The following ABR variants were observed in gnomAD, a reference collection of about 807,000 sequenced individuals.
ABR encodes the protein active breakpoint cluster region-related protein.
ABR carries 35 observed loss-of-function variants against 107.2 expected under a neutral mutation model. The ratio of observed to expected loss-of-function variants is 0.33; its 90% confidence interval spans 0.25 to 0.43. The LOEUF (loss-of-function observed/expected upper bound fraction) is 0.43, where lower values mean the gene tolerates loss of function less well. Among genes scored for constraint, ABR ranks in the 20% least tolerant of loss-of-function variants. The pLI is 1.00. For missense variants in ABR, 815 were observed against 1,115.2 expected (o/e 0.73, Z 3.83); for synonymous variants, 498 against 462.0 (o/e 1.08, Z -1.00).
chr17:1,164,548 T>C (rs1046938168), intron 1 of ABR, among the ~76,000 whole-genome samples: 1 of 150,896 alleles, frequency 6.6e-6, no homozygotes, highest in South Asian at 2.1e-4. Flanking sequence ...GAACGTCAGG[T>C]GAGCAACAGA....
chr17:1,177,549 G>T (rs2041958547), intron 1 of ABR, among the ~76,000 whole-genome samples: 2 of 152,188 alleles, frequency 1.3e-5, no homozygotes, highest in African/African-American at 4.8e-5. Context: ...GGTGGCCTCA[G>T]GCAATTTTGC....
rs147005714 is a variant in ABR, at chr17:1,157,634, C to A, written c.61+22033G>T. Among the ~76,000 whole-genome samples, 419 of 152,352 alleles carry A rather than the reference C, an allele frequency of 2.8e-3. 1 individual carries two copies. Among genetic ancestry groups the A allele is most frequent in the Admixed American group, 5.6e-3 (86 of 15,310 alleles). ...GAAGCAGCAACTACAAGGGAAGAGCCGCTGCTGGAACACGCCCAGCGGAAC... is the reference window on the plus strand; with the variant it reads ...GAAGCAGCAACTACAAGGGAAGAGCAGCTGCTGGAACACGCCCAGCGGAAC... On this transcript the variant is annotated intron_variant, in intron 1 of 22. Coordinates refer to ENST00000302538, the MANE Select transcript of ABR (RefSeq NM_021962.5). This position sits in a 1 kb window ranked among gnomAD's most constrained non-coding sequence, Gnocchi z 4.7.
chr17:1,060,514 C>A (rs1362933828), intron 10 of ABR, among the ~76,000 whole-genome samples: 1 of 152,170 alleles, frequency 6.6e-6, no homozygotes, highest in Non-Finnish European at 1.5e-5. Flanking sequence ...TCTCATTGGA[C>A]ACGCGGGCGC....
chr17:1,010,732 T>C lies in ABR; in HGVS notation c.2233A>G (p.Ile745Val), dbSNP rs1381915640. Residue 745 changes from isoleucine to valine, a missense_variant, in exon 20 of 23, where the codon ATC becomes GTC. Ile to Val is a conservative substitution (Grantham distance 29). This residue lies in a region of ABR where 175 missense variants were observed against 284.3 expected (regional missense o/e 0.62). Coordinates refer to ENST00000302538, the MANE Select transcript of ABR (RefSeq NM_021962.5). The surrounding 1 kb of genome is among the most constrained non-coding windows in gnomAD (Gnocchi z 4.1). ...DRLYPAFMEG[I>V]ALSDPAAKEN... is the part of the protein sequence containing the mutation. ...CTAGGAGCCCTCAGGGCCTCACCGA[T>C]GCCCTCCATGAAGGCTGGGTAGAGT... 2 of 1,613,552 alleles carry C rather than the reference T, an allele frequency of 1.2e-6. No homozygotes were observed. The highest frequency in any genetic ancestry group is 1.7e-5 in the Admixed American group (1 of 60,012).
At chr17:1,155,665 A>C (rs919319465) in intron 1 of ABR, among the ~76,000 whole-genome samples, 4 of 152,164 alleles carry the variant, frequency 2.6e-5, no homozygotes, top group African/African-American at 9.7e-5. Context: ...CTTACAACTC[A>C]ACGATAAAAA....
chr17:1,057,790 A>T (rs1008385423), intron 12 of ABR, 180 bp downstream of exon 12: 8 of 591,492 alleles, frequency 1.4e-5, no homozygotes, highest in Non-Finnish European at 1.8e-5. Flanking sequence ...TCTTTCAGCC[A>T]ATCAGTTAGA....
intron 1 of ABR, among the ~76,000 whole-genome samples, chr17:1,198,445 A>G (rs537827938): frequency 4.6e-5 from 7 of 151,628 alleles, no homozygotes; most frequent in African/African-American, 1.2e-4. Flanking sequence ...TTCTGCAATC[A>G]AAGCTGCCTG....
intron 6 of ABR, among the ~76,000 whole-genome samples, chr17:1,075,476 G>A (rs1304940622): frequency 6.6e-6 from 1 of 152,254 alleles, no homozygotes; most frequent in Non-Finnish European, 1.5e-5. Flanking sequence ...ACTTCAGGGA[G>A]CAATCTGCTG....
intron 1 of ABR, among the ~76,000 whole-genome samples, chr17:1,203,723 C>G (rs960053976): frequency 1.3e-5 from 2 of 152,092 alleles, no homozygotes; most frequent in Non-Finnish European, 2.9e-5. Context: ...CCGTGACTCG[C>G]GCAGGAAGGC....
chr17:1,224,764 T>C (rs927661200), intron 1 of ABR, among the ~76,000 whole-genome samples: 1 of 152,134 alleles, frequency 6.6e-6, no homozygotes, highest in African/African-American at 2.4e-5. Context: ...AGCCTCGACC[T>C]CCTGGGTTCA....
intron 17 of ABR, 143 bp from the exon 18 acceptor site, chr17:1,012,940 C>T: frequency 1.9e-6 from 2 of 1,049,690 alleles, no homozygotes; most frequent in Non-Finnish European, 2.9e-6. Context: ...ACCTGCAGGA[C>T]AGCAGCGGGC....
chr17:1,012,769 G>T lies in ABR; in HGVS notation c.1880C>A (p.Thr627Asn). 6.3e-7 allele frequency: 1 copy of T among 1,593,204 alleles called. No individual in the cohort carries two copies. Among genetic ancestry groups the T allele is most frequent in the Non-Finnish European group, 8.6e-7 (1 of 1,169,118 alleles). ...CCTCTTCAGGCTCATATCTCGGCTG[G>T]TGAATTTCATGGAAAATTCCACTTT... ...GIKVEFSMKF[T>N]SRDMSLKRTP... Residue 627 changes from threonine (T) to asparagine (N), a missense_variant, in exon 18 of 23, where the codon ACC becomes AAC. Coordinates refer to ENST00000302538, the MANE Select transcript of ABR (RefSeq NM_021962.5).
At chr17:1,188,308 T>C (rs984416565), upstream of ABR, among the ~76,000 whole-genome samples, 2 of 152,110 alleles carry the variant, frequency 1.3e-5, no homozygotes, top group African/African-American at 4.8e-5. Context: ...CCCAGCACTT[T>C]GGGAGGCCGA....
In ABR at chr17:1,012,702, G is replaced by A; in HGVS notation, c.1947C>T (p.Ile649=). The change falls in exon 18 of 23, where the codon ATC becomes ATT. Residue 649 remains isoleucine, a synonymous_variant. Coordinates refer to ENST00000302538, the MANE Select transcript of ABR (RefSeq NM_021962.5). ...KKQTGVFGVK[I]SVVTKRERSK... ...GCAGCACCTACTTCGTCACCACGCTGATCTTCACACCGAAGACGCCGGTCT... is the reference window on the plus strand; with the variant it reads ...GCAGCACCTACTTCGTCACCACGCTAATCTTCACACCGAAGACGCCGGTCT... The A allele has an allele frequency of 6.3e-7, 1 of 1,584,702 alleles. No individual in the cohort carries two copies. The highest frequency in any genetic ancestry group is 1.7e-4 in the Middle Eastern group (1 of 6,008).
At chr17:1,101,869 G>A (rs1036156010) in intron 2 of ABR, among the ~76,000 whole-genome samples, 5 of 152,126 alleles carry the variant, frequency 3.3e-5, no homozygotes, top group South Asian at 4.2e-4. Context: ...GAGTAGCTGG[G>A]ACTACAGGCT....
intron 16 of ABR, among the ~76,000 whole-genome samples, chr17:1,018,282 TTCGC>T (rs2071351267): frequency 3.9e-5 from 6 of 152,070 alleles, no homozygotes; most frequent in East Asian, 3.9e-4. Flanking sequence ...GACCTCGTGA[TTCGC>T]CCACCTCGGC....
chr17:1,193,688 G>A (rs1018230910), intron 1 of ABR, among the ~76,000 whole-genome samples: 1 of 152,052 alleles, frequency 6.6e-6, no homozygotes, highest in African/African-American at 2.4e-5. Context: ...TTTTGTTTGT[G>A]TGTTTTTATG....
At chr17:1,035,972 G>C (rs992807934) in intron 16 of ABR, among the ~76,000 whole-genome samples, 1 of 152,002 alleles carries the variant, frequency 6.6e-6, no homozygotes, top group Non-Finnish European at 1.5e-5. Flanking sequence ...GCGAGCGGGA[G>C]GGGCAAAGGC....
rs1230935096 is a variant in ABR at position 1,134,394 on chromosome 17, AG to A, written c.62-9028del. ...AGCACTGCACTCCAGCCGGGGCAAC[AG>A]AGCAAGACTCCCTCTCAAAAAAATA... On this transcript the variant is annotated intron_variant, in intron 1 of 22. Transcript: ENST00000302538. 2.0e-5 allele frequency among the ~76,000 whole-genome samples: 3 copies of A among 150,682 alleles called. No individual in the cohort carries two copies. The East Asian group carries it at 5.8e-4, about 29-fold the overall frequency.
Sources: allele counts gnomAD v4.1 joint callset (sites outside exome capture counted in the v4.1 genomes callset), GRCh38; gene constraint gnomAD v4.1.1; regional missense constraint gnomAD v4.1.1; non-coding constraint Gnocchi (gnomAD v3.1); transcripts MANE v1.5; gene names NCBI Gene and HGNC (gene_info 2026-07-23, HGNC 2026-07-21).